Variants in PRKD2 observed in about 807,000 individuals in gnomAD.
PRKD2 encodes the protein serine/threonine-protein kinase D2.
In PRKD2, 22 loss-of-function variants were observed where a neutral mutation model predicts 86.0. That is an observed-to-expected ratio of 0.26 (90% confidence interval 0.18 to 0.37). The LOEUF is 0.37. Ranked by LOEUF, PRKD2 falls within the 10% of genes least tolerant of loss-of-function variation. PRKD2 has a pLI of 1.00. For missense variants in PRKD2, 818 were observed against 1,199.2 expected (o/e 0.68, Z 4.70); for synonymous variants, 509 against 510.9 (o/e 1.00, Z 0.05).
At chr19:46,711,138 G>T in intron 2 of PRKD2, 100 bp from the exon 3 acceptor site, 1 of 1,436,330 alleles carries the variant, frequency 7.0e-7, no homozygotes, top group Non-Finnish European at 9.4e-7. Context: ...CAGCCGCAAG[G>T]TGTGATCTTT....
At chr19:46,713,787 T>G in intron 2 of PRKD2, 76 bp downstream of exon 2, 1 of 1,271,358 alleles carries the variant, frequency 7.9e-7, no homozygotes, top group Non-Finnish European at 1.1e-6. Flanking sequence ...GACTTCTAAC[T>G]CCCCCTACCC....
In PRKD2 at chr19:46,688,399, TTTTC is replaced by T. The variant is rs2053431112; in HGVS notation, c.1971+1134_1971+1137del. Among the ~76,000 whole-genome samples the T allele has an allele frequency of 1.5e-4, 23 of 151,718 alleles. No individual in the cohort carries two copies. The South Asian group carries it at 4.8e-3, about 31-fold the overall frequency. On this transcript the variant is annotated intron_variant, in intron 14 of 17. Transcript: ENST00000291281. ...AGCTATCATTACCGCTAGTCTATTT[TTTTC>T]TATTATTATGATTACTCTTTATTAT...
intron 9 of PRKD2, among the ~76,000 whole-genome samples, chr19:46,695,141 G>A (rs1599826458): frequency 6.6e-6 from 1 of 152,010 alleles, no homozygotes; most frequent in Non-Finnish European, 1.5e-5. Flanking sequence ...AGGTTACAGT[G>A]AGCCATGATC....
rs1320044413 is a variant in PRKD2, at chr19:46,689,519, C to T, written c.1971+18G>A. ...CCTGATGGGGAGGGGCGGGTGGCAG[C>T]GGGCAGGGCAGACGCACCTGGGTGA... On this transcript the variant is annotated intron_variant, in intron 14 of 17. Coordinates refer to ENST00000291281, the MANE Select transcript of PRKD2 (RefSeq NM_016457.5). 1.3e-5 allele frequency: 20 copies of T among 1,579,318 alleles called. No homozygotes were observed. Among genetic ancestry groups the T allele is most frequent in the Middle Eastern group, 1.7e-4 (1 of 6,032 alleles).
At chr19:46,713,203 T>C (rs2053833181) in intron 2 of PRKD2, among the ~76,000 whole-genome samples, 1 of 149,034 alleles carries the variant, frequency 6.7e-6, no homozygotes, top group Non-Finnish European at 1.5e-5. Context: ...TTTTTTTTTT[T>C]TTTTTAAGAG....
chr19:46,695,021 A>G (rs1480404951), intron 9 of PRKD2, among the ~76,000 whole-genome samples: 2 of 151,076 alleles, frequency 1.3e-5, no homozygotes, highest in Admixed American at 6.6e-5. Context: ...GAGCAACACA[A>G]TGAGACCCCC....
At chr19:46,715,093 T>C (rs977336494) in intron 1 of PRKD2, among the ~76,000 whole-genome samples, 8 of 152,074 alleles carry the variant, frequency 5.3e-5, no homozygotes, top group Admixed American at 4.6e-4. Context: ...TATAGAATTA[T>C]ACATTCTAGA....
chr19:46,710,854 C>G, intron 3 of PRKD2, 53 bp downstream of exon 3: 1 of 1,505,096 alleles, frequency 6.6e-7, no homozygotes. Flanking sequence ...TTACGCTCCG[C>G]CCCCGGTGCA....
chr19:46,700,759 G>C (rs1312363007), intron 7 of PRKD2, 40 bp downstream of exon 7: 1 of 1,593,374 alleles, frequency 6.3e-7, no homozygotes, highest in African/African-American at 1.3e-5. Context: ...CTGTGCAGGA[G>C]GGTCTTCCCC....
rs2053164059 is a variant in PRKD2, at chr19:46,674,458, G to A, written c.*65C>T. 2.0e-6 allele frequency: 3 copies of A among 1,527,950 alleles called. No individual in the cohort carries two copies. The highest frequency in any genetic ancestry group is 2.3e-5 in the East Asian group (1 of 42,912). The allele number at this position is 1,527,950 out of a possible 1,614,324, so 94.6% of individuals were successfully genotyped here. A position where few individuals can be genotyped will look rare whatever the true frequency, so the allele number is the denominator to read the frequency against. On this transcript the variant is annotated 3_prime_UTR_variant, in exon 18 of 18. Transcript: ENST00000291281. ...GCAGGAAGCCACTTTCCCTAGAACA[G>A]TTCATTGCTGGGATCCTGTGAAGAA...
intron 2 of PRKD2, 55 bp downstream of exon 2, chr19:46,713,808 C>CCCA: frequency 7.9e-7 from 1 of 1,266,372 alleles, no homozygotes; most frequent in Non-Finnish European, 1.1e-6. Flanking sequence ...TCTCCTCCCC[C>CCCA]AGATGCCCCG....
At chr19:46,701,013 C>G in intron 6 of PRKD2, 22 bp downstream of exon 6, 1 of 1,614,206 alleles carries the variant, frequency 6.2e-7, no homozygotes, top group Non-Finnish European at 8.5e-7. Context: ...CCTTTCTCCC[C>G]AGCATCCCCC....
intron 8 of PRKD2, 159 bp from the exon 9 acceptor site, chr19:46,697,393 A>G (rs948205337): frequency 6.6e-6 from 4 of 604,794 alleles, no homozygotes; most frequent in African/African-American, 3.8e-5. Flanking sequence ...ACACGCCCTA[A>G]CCCCAGCCCC....
At position 46,696,216 on chromosome 19, in the gene PRKD2, GA is replaced by G. The variant is rs1392889053; in HGVS notation, c.1317+940del. 5.3e-5 allele frequency among the ~76,000 whole-genome samples: 8 copies of G among 152,204 alleles called. No individual in the cohort carries two copies. The East Asian group carries it at 1.2e-3, about 22-fold the overall frequency. Reference sequence around the variant, plus strand: ...AACCAGCCATGGAAAGTTCAAGGAAGACGCTCCAGGGCAGGTAACAGCTGGA... The same window carrying G: ...AACCAGCCATGGAAAGTTCAAGGAAGCGCTCCAGGGCAGGTAACAGCTGGA... On this transcript the variant is annotated intron_variant, in intron 9 of 17. Coordinates refer to ENST00000291281, the MANE Select transcript of PRKD2 (RefSeq NM_016457.5).
Position 46,716,015 on chromosome 19 carries a change from A to G in PRKD2, c.240+116T>C. The G allele has an allele frequency of 7.0e-7, 1 of 1,434,896 alleles. No homozygotes were observed. The highest frequency in any genetic ancestry group is 9.2e-7 in the Non-Finnish European group (1 of 1,083,526). The allele number at this position is 1,434,896 out of a possible 1,614,324, so 88.9% of individuals were successfully genotyped here. ...GGGCAATGCCCCCTATCCCTCCATC[A>G]CCCAAAGCTCAGGTCTCCTTCCTCC... On this transcript the variant is annotated intron_variant, in intron 1 of 17. Coordinates refer to ENST00000291281, the MANE Select transcript of PRKD2 (RefSeq NM_016457.5). This position sits in a 1 kb window ranked among gnomAD's most constrained non-coding sequence, Gnocchi z 7.9.
At chr19:46,705,756 C>T (rs1057040785) in intron 3 of PRKD2, among the ~76,000 whole-genome samples, 1 of 149,112 alleles carries the variant, frequency 6.7e-6, no homozygotes, top group Non-Finnish European at 1.5e-5. Flanking sequence ...CACTGCACTC[C>T]AGCCTGGGCA....
At chr19:46,686,036 C>G (rs2053391778) in intron 14 of PRKD2, 1 of 152,128 alleles carries the variant, frequency 6.6e-6, no homozygotes, top group African/African-American at 2.4e-5. Context: ...AACACAGGCA[C>G]ACTGCCTGAG....
chr19:46,683,207 G>A (rs1187430523), intron 14 of PRKD2, among the ~76,000 whole-genome samples: 2 of 132,948 alleles, frequency 1.5e-5, no homozygotes, highest in African/African-American at 2.9e-5. Context: ...TGATTCTCCT[G>A]CCTCAGCCTC....
At position 46,716,213 on chromosome 19, in the gene PRKD2, A is replaced by G. The variant is rs1367289117; in HGVS notation, c.158T>C (p.Leu53Pro). 1 of 1,610,570 alleles carries G rather than the reference A, an allele frequency of 6.2e-7. No homozygotes were observed. Among genetic ancestry groups the G allele is most frequent in the Non-Finnish European group, 8.5e-7 (1 of 1,179,014 alleles). ...GGGCAACAGCACGAACTCGCGGGTC[A>G]GCCCGATCTGGATGTGAAAGGAGAC... is the stretch of plus-strand genomic sequence containing the variant. ...SGVSFHIQIG[L>P]TREFVLLPAA... Residue 53 changes from leucine (L) to proline (P), a missense_variant, in exon 1 of 18, where the codon CTG becomes CCG. Transcript: ENST00000291281. This position sits in a 1 kb window ranked among gnomAD's most constrained non-coding sequence, Gnocchi z 7.9.
Sources: allele counts gnomAD v4.1 joint callset (sites outside exome capture counted in the v4.1 genomes callset), GRCh38; gene constraint gnomAD v4.1.1; non-coding constraint Gnocchi (gnomAD v3.1); transcripts MANE v1.5; gene names NCBI Gene and HGNC (gene_info 2026-07-23, HGNC 2026-07-21).